MAGI2: variants seen among roughly 807,000 people sequenced by gnomAD.
MAGI2 encodes the protein membrane associated guanylate kinase, WW and PDZ domain containing 2.
MAGI2 carries 35 observed loss-of-function variants against 133.3 expected under a neutral mutation model. The ratio of observed to expected loss-of-function variants is 0.26; its 90% CI spans 0.20 to 0.35. MAGI2 has a LOEUF of 0.35. MAGI2 is among the 10% of genes least tolerant of loss of function. The pLI is 1.00. For synonymous variants in MAGI2, 729 were observed against 710.6 expected, an observed-to-expected ratio of 1.03 and a Z score of -0.41; for missense variants, 1,636 against 1,863.4, an observed-to-expected ratio of 0.88 and a Z score of 2.25.
At chr7:78,748,660 C>A (rs182405811) in intron 2 of MAGI2, among the ~76,000 whole-genome samples, 38 of 151,834 alleles carry the variant, frequency 2.5e-4, no homozygotes, top group Non-Finnish European at 4.7e-4. Context: ...ATTTGTATGG[C>A]ACAAATGCTT....
chr7:78,530,444 G>T (rs17371672), intron 3 of MAGI2, among the ~76,000 whole-genome samples: 1 of 152,062 alleles, frequency 6.6e-6, no homozygotes, highest in Non-Finnish European at 1.5e-5. Flanking sequence ...AAAAAAGAAT[G>T]AATGTTTTAG....
intron 2 of MAGI2, among the ~76,000 whole-genome samples, chr7:78,788,919 G>A (rs1282097744): frequency 6.6e-6 from 1 of 152,044 alleles, no homozygotes; most frequent in South Asian, 2.1e-4. Flanking sequence ...TGGCTCGTCT[G>A]CCTCTGTACC....
intron 1 of MAGI2, among the ~76,000 whole-genome samples, chr7:79,081,046 C>A (rs1815992217): frequency 1.3e-5 from 2 of 152,074 alleles, no homozygotes; most frequent in Admixed American, 6.6e-5. Context: ...AGGTCCTAAA[C>A]CCGGCCGCAC....
At chr7:78,564,062 A>C (rs1303868917) in intron 3 of MAGI2, among the ~76,000 whole-genome samples, 1 of 152,168 alleles carries the variant, frequency 6.6e-6, no homozygotes, top group African/African-American at 2.4e-5. Flanking sequence ...GTAAATTTTC[A>C]AATTTTGTAG....
At chr7:79,134,083 C>T (rs1821168701) in intron 1 of MAGI2, among the ~76,000 whole-genome samples, 1 of 152,062 alleles carries the variant, frequency 6.6e-6, no homozygotes, top group East Asian at 1.9e-4. Flanking sequence ...TAATGTTAAA[C>T]CAAAATCTCA....
intron 2 of MAGI2, among the ~76,000 whole-genome samples, chr7:78,723,315 C>T (rs1820439331): frequency 6.6e-6 from 1 of 152,116 alleles, no homozygotes; most frequent in Non-Finnish European, 1.5e-5. Flanking sequence ...TTTCAATCAA[C>T]CATATTTATT....
Position 78,322,159 on chromosome 7 carries a change from G to A in MAGI2, c.1408+21619C>T, listed in dbSNP as rs538671071. On this transcript the variant is annotated intron_variant, in intron 9 of 21. Transcript: ENST00000354212. ...GAAATAGGAACACTTTTACACTGTTGGTAGGAGTGTAAATTAGTTCAACCA... is the reference window on the plus strand; with the variant it reads ...GAAATAGGAACACTTTTACACTGTTAGTAGGAGTGTAAATTAGTTCAACCA... Among the ~76,000 whole-genome samples, 3 of 152,284 alleles carry A rather than the reference G, an allele frequency of 2.0e-5. No homozygotes were observed. In the South Asian group the frequency reaches 6.2e-4, roughly 32 times the overall value.
At chr7:78,636,294 T>C (rs1809628834) in intron 2 of MAGI2, among the ~76,000 whole-genome samples, 1 of 152,170 alleles carries the variant, frequency 6.6e-6, no homozygotes, top group Admixed American at 6.5e-5. Flanking sequence ...GTTGTCAATT[T>C]TTGTTTAAAG....
intron 6 of MAGI2, among the ~76,000 whole-genome samples, chr7:78,445,619 T>A (rs2151469731): frequency 6.6e-6 from 1 of 152,196 alleles, no homozygotes; most frequent in African/African-American, 2.4e-5. Context: ...TAGGTTCACC[T>A]GGCACTTATT....
At position 79,430,095 on chromosome 7, in the gene MAGI2, T is replaced by G. The variant is rs148828749; in HGVS notation, c.301+22925A>C. Among the ~76,000 whole-genome samples the G allele has an allele frequency of 2.0e-3, 312 of 152,280 alleles. 1 individual carries two copies. The highest frequency in any genetic ancestry group is 7.3e-3 in the African/African-American group (304 of 41,576). On this transcript the variant is annotated intron_variant, in intron 1 of 21. Coordinates refer to ENST00000354212, the MANE Select transcript of MAGI2 (RefSeq NM_012301.4). ...AAAGAGGAATGCATGATGTATTTAT[T>G]GCAAAGAATACATATGCAATTGACA...
At chr7:78,806,258 G>C (rs1005585463) in intron 2 of MAGI2, among the ~76,000 whole-genome samples, 2 of 152,092 alleles carry the variant, frequency 1.3e-5, no homozygotes, top group African/African-American at 4.8e-5. Flanking sequence ...TAATTTATTG[G>C]ACTGTAGCTT....
chr7:78,655,947 C>G (rs2151026755), intron 2 of MAGI2, among the ~76,000 whole-genome samples: 1 of 140,370 alleles, frequency 7.1e-6, no homozygotes, highest in African/African-American at 2.6e-5. Context: ...CGCCACTGCA[C>G]TCCAGCCTGG....
intron 4 of MAGI2, among the ~76,000 whole-genome samples, chr7:78,511,529 T>G (rs1396661279): frequency 1.7e-5 from 2 of 120,926 alleles, no homozygotes; most frequent in Non-Finnish European, 3.5e-5. Flanking sequence ...TTGCTCACCA[T>G]CTTTTATATA....
At chr7:78,346,974 G>A (rs1481229277) in intron 7 of MAGI2, among the ~76,000 whole-genome samples, 1 of 152,200 alleles carries the variant, frequency 6.6e-6, no homozygotes, top group Non-Finnish European at 1.5e-5. Flanking sequence ...GTTTTCCTCA[G>A]TGAAGTTTCA....
At chr7:79,342,240 G>C (rs1392416580) in intron 1 of MAGI2, among the ~76,000 whole-genome samples, 5 of 152,186 alleles carry the variant, frequency 3.3e-5, no homozygotes, top group Non-Finnish European at 5.9e-5. Flanking sequence ...GACAAAATTG[G>C]ATCATCAGAA....
At chr7:78,133,482 A>G (rs1821780248) in intron 17 of MAGI2, among the ~76,000 whole-genome samples, 1 of 152,168 alleles carries the variant, frequency 6.6e-6, no homozygotes, top group Non-Finnish European at 1.5e-5. Context: ...AATGAACCAT[A>G]AAAAGAAAAA....
chr7:78,744,093 CCATA>C (rs1228260238), intron 2 of MAGI2, among the ~76,000 whole-genome samples: 1 of 152,022 alleles, frequency 6.6e-6, no homozygotes, highest in Non-Finnish European at 1.5e-5. Flanking sequence ...TTTTAAATCA[CCATA>C]CATTTATGTA....
In MAGI2 at chr7:79,289,819, T is replaced by A. The variant is rs182957834; in HGVS notation, c.301+163201A>T. 1.6e-3 allele frequency among the ~76,000 whole-genome samples: 241 copies of A among 152,300 alleles called. 1 individual carries two copies. The highest frequency in any genetic ancestry group is 5.1e-3 in the Admixed American group (78 of 15,284). On this transcript the variant is annotated intron_variant, in intron 1 of 21. Coordinates refer to ENST00000354212, the MANE Select transcript of MAGI2 (RefSeq NM_012301.4). Reference sequence around the variant, plus strand: ...CCTTAAAACATTTCCAAGTTTTAGTTCACTTTTTTATTTCTGCCTTTGCAT... The same window carrying A: ...CCTTAAAACATTTCCAAGTTTTAGTACACTTTTTTATTTCTGCCTTTGCAT...
intron 5 of MAGI2, among the ~76,000 whole-genome samples, chr7:78,493,993 T>G (rs758615305): frequency 2.6e-5 from 4 of 152,142 alleles, no homozygotes; most frequent in Non-Finnish European, 5.9e-5. Context: ...TTTTTTCTTT[T>G]CTAGACAGGA....
Sources: allele counts gnomAD v4.1 joint callset (sites outside exome capture counted in the v4.1 genomes callset), GRCh38; gene constraint gnomAD v4.1.1; transcripts MANE v1.5; gene names NCBI Gene and HGNC (gene_info 2026-07-23, HGNC 2026-07-21).